ZNF804B: variants seen among roughly 807,000 people sequenced by gnomAD.
ZNF804B encodes the protein zinc finger protein 804B.
Under a neutral mutation model 101.4 loss-of-function variants are expected in ZNF804B, and 80 were observed. That is an observed-to-expected ratio of 0.79 (90% CI 0.66 to 0.95). The LOEUF is 0.95. Among genes scored for constraint, ZNF804B ranks in the 40% least tolerant of loss-of-function variants. ZNF804B has a pLI of 0.00. For synonymous variants in ZNF804B, 622 were observed against 558.8 expected (o/e 1.11, Z -1.59); for missense variants, 1,673 against 1,561.9 (o/e 1.07, Z -1.20).
intron 1 of ZNF804B, among the ~76,000 whole-genome samples, chr7:88,776,806 G>C (rs1158572849): frequency 1.1e-5 from 1 of 95,236 alleles, no homozygotes; most frequent in Non-Finnish European, 2.0e-5. Context: ...TGTTCACTTC[G>C]TTATTTAAAA....
chr7:89,001,359 C>CTT lies in ZNF804B; in HGVS notation c.109-216787_109-216786dup, dbSNP rs543804643. The stretch of plus-strand genomic sequence containing the variant: ...ATATTCTTTTTTTTCCTTTCCTTTT[C>CTT]TTTTTTTTTTAAAAGCTAAATGAAA... On this transcript the variant is annotated intron_variant, in intron 1 of 3. Coordinates refer to ENST00000333190, the MANE Select transcript of ZNF804B (RefSeq NM_181646.5). Among the ~76,000 whole-genome samples, 52 of 142,848 alleles carry CTT rather than the reference C, an allele frequency of 3.6e-4. No individual in the cohort carries two copies. In the South Asian group the frequency reaches 0.011, roughly 30 times the overall value. The allele number at this position is 142,848 out of a possible 152,430, so 93.7% of individuals were successfully genotyped here.
chr7:88,869,356 G>A (rs1791781848), intron 1 of ZNF804B, among the ~76,000 whole-genome samples: 1 of 152,080 alleles, frequency 6.6e-6, no homozygotes, highest in Non-Finnish European at 1.5e-5. Context: ...TCAGCTCTCA[G>A]CAATAACCTA....
chr7:89,118,265 G>T (rs1014896276), intron 1 of ZNF804B, among the ~76,000 whole-genome samples: 2 of 151,952 alleles, frequency 1.3e-5, no homozygotes, highest in Non-Finnish European at 2.9e-5. Flanking sequence ...TCGCCTCCTT[G>T]GAGTACTAAG....
Position 89,142,626 on chromosome 7 carries a change from A to G in ZNF804B, c.109-75529A>G, listed in dbSNP as rs979673316. ...ATCCCACTTGTTTAAAATTTCCATT[A>G]AAAGCTCTACTGTTGCCTGTGGCTT... On this transcript the variant is annotated intron_variant, in intron 1 of 3. Transcript: ENST00000333190. 3.3e-5 allele frequency among the ~76,000 whole-genome samples: 5 copies of G among 152,138 alleles called. No homozygotes were observed. The South Asian group carries it at 6.2e-4, about 19-fold the overall frequency.
chr7:89,261,794 G>T (rs551311221), intron 2 of ZNF804B, among the ~76,000 whole-genome samples: 1 of 152,260 alleles, frequency 6.6e-6, no homozygotes, highest in African/African-American at 2.4e-5. Flanking sequence ...CATAGAGAAG[G>T]TATAGTAAAG....
At chr7:89,224,176 TA>T (rs961452445) in intron 2 of ZNF804B, among the ~76,000 whole-genome samples, 3 of 151,992 alleles carry the variant, frequency 2.0e-5, no homozygotes, top group African/African-American at 4.8e-5. Context: ...AATTAACCCA[TA>T]AAAAATATCT....
At chr7:88,774,724 G>T (rs1790117928) in intron 1 of ZNF804B, among the ~76,000 whole-genome samples, 1 of 152,220 alleles carries the variant, frequency 6.6e-6, no homozygotes, top group African/African-American at 2.4e-5. Context: ...AGAGAATAAT[G>T]AGAGCTGAAG....
At chr7:89,263,078 C>T (rs926600880) in intron 2 of ZNF804B, among the ~76,000 whole-genome samples, 3 of 152,106 alleles carry the variant, frequency 2.0e-5, no homozygotes, top group African/African-American at 7.2e-5. Context: ...AAGTGGCATC[C>T]CTTGGCAGCT....
rs570762677 is a variant in ZNF804B at position 89,126,544 on chromosome 7, A to G, written c.109-91611A>G. On this transcript the variant is annotated intron_variant, in intron 1 of 3. Coordinates refer to ENST00000333190, the MANE Select transcript of ZNF804B (RefSeq NM_181646.5). Reference sequence around the variant, plus strand: ...TTCATGACAAAAACTTAGAATGTCCATCAAGAGAATATCATTAATTATTGA... The same window carrying G: ...TTCATGACAAAAACTTAGAATGTCCGTCAAGAGAATATCATTAATTATTGA... Among the ~76,000 whole-genome samples the G allele has an allele frequency of 9.9e-5, 15 of 152,154 alleles. No individual in the cohort carries two copies. In the South Asian group the frequency reaches 3.1e-3, roughly 32 times the overall value.
intron 1 of ZNF804B, among the ~76,000 whole-genome samples, chr7:89,191,190 C>T (rs1381445863): frequency 1.3e-5 from 2 of 151,932 alleles, no homozygotes; most frequent in Non-Finnish European, 2.9e-5. Context: ...TCAAGAACAA[C>T]ATAAATTAAA....
chr7:89,080,911 A>G (rs1583975108), intron 1 of ZNF804B, among the ~76,000 whole-genome samples: 1 of 152,114 alleles, frequency 6.6e-6, no homozygotes, highest in African/African-American at 2.4e-5. Context: ...AAATCCATCT[A>G]CAGAAATCTA....
intron 1 of ZNF804B, among the ~76,000 whole-genome samples, chr7:89,048,311 G>A (rs1317304076): frequency 4.0e-5 from 6 of 151,894 alleles, no homozygotes; most frequent in Non-Finnish European, 7.3e-5. Context: ...TATTCTAAGT[G>A]AAGTAACGAA....
At position 89,148,910 on chromosome 7, in the gene ZNF804B, A is replaced by G. The variant is rs375794027; in HGVS notation, c.109-69245A>G. The stretch of plus-strand genomic sequence containing the variant: ...TTCTTTTCTTTCTATTATTGGCTGA[A>G]AGAAGCTAGCCATAAACAATCAGGT... On this transcript the variant is annotated intron_variant, in intron 1 of 3. Coordinates refer to ENST00000333190, the MANE Select transcript of ZNF804B (RefSeq NM_181646.5). 3.9e-5 allele frequency among the ~76,000 whole-genome samples: 6 copies of G among 152,192 alleles called. No individual in the cohort carries two copies. In the South Asian group the frequency reaches 6.2e-4, roughly 16 times the overall value.
chr7:88,967,041 T>A (rs1793465037), intron 1 of ZNF804B, among the ~76,000 whole-genome samples: 2 of 151,256 alleles, frequency 1.3e-5, no homozygotes, highest in Admixed American at 6.6e-5. Flanking sequence ...TTTTAAATGG[T>A]CACTTTGGAG....
chr7:88,825,131 A>T (rs995837602), intron 1 of ZNF804B, among the ~76,000 whole-genome samples: 6 of 152,104 alleles, frequency 3.9e-5, no homozygotes, highest in African/African-American at 1.4e-4. Flanking sequence ...TGGATTGGGG[A>T]GTGCAGAAGG....
At chr7:88,915,199 G>A (rs1384424318) in intron 1 of ZNF804B, among the ~76,000 whole-genome samples, 9 of 151,946 alleles carry the variant, frequency 5.9e-5, no homozygotes, top group Non-Finnish European at 1.5e-5. Flanking sequence ...TATTTTAAAA[G>A]TACAATTTTC....
chr7:89,279,402 G>C (rs958294042), intron 2 of ZNF804B, among the ~76,000 whole-genome samples: 1 of 150,696 alleles, frequency 6.6e-6, no homozygotes, highest in East Asian at 1.9e-4. Context: ...AATAGGAGTG[G>C]TGAGAGAGGG....
At chr7:88,789,481 C>A (rs1329973554) in intron 1 of ZNF804B, among the ~76,000 whole-genome samples, 1 of 152,020 alleles carries the variant, frequency 6.6e-6, no homozygotes, top group African/African-American at 2.4e-5. Context: ...TGGCAAAACA[C>A]CTTAATGTCT....
At chr7:88,876,214 G>C (rs1469760243) in intron 1 of ZNF804B, among the ~76,000 whole-genome samples, 5 of 151,990 alleles carry the variant, frequency 3.3e-5, no homozygotes, top group African/African-American at 1.2e-4. Flanking sequence ...AGCAACCTCT[G>C]GGACTTGACC....
Sources: allele counts gnomAD v4.1 joint callset (sites outside exome capture counted in the v4.1 genomes callset), GRCh38; gene constraint gnomAD v4.1.1; transcripts MANE v1.5; gene names NCBI Gene and HGNC (gene_info 2026-07-23, HGNC 2026-07-21).